CDC123: variants seen among roughly 807,000 people sequenced by gnomAD.
CDC123 encodes cell division cycle 123, also known as translation initiation factor eIF2 assembly protein.
In CDC123, 37 loss-of-function variants were observed where a neutral mutation model predicts 54.4. The ratio of observed to expected loss-of-function variants is 0.68; its 90% CI spans 0.52 to 0.89. The LOEUF (loss-of-function observed/expected upper bound fraction) is 0.89. Among genes scored for constraint, CDC123 ranks in the 40% least tolerant of loss-of-function variants. CDC123 has a pLI of 0.00. For missense variants in CDC123, 361 were observed against 412.1 expected, an observed-to-expected ratio of 0.88 and a Z score of 1.07; for synonymous variants, 144 against 136.8, an observed-to-expected ratio of 1.05 and a Z score of -0.37.
chr10:12,224,046 A>T (rs1042483235), intron 6 of CDC123, among the ~76,000 whole-genome samples: 4 of 151,998 alleles, frequency 2.6e-5, no homozygotes. Flanking sequence ...CCAGAAGTCC[A>T]GTGTATCATT....
intron 2 of CDC123, among the ~76,000 whole-genome samples, chr10:12,202,504 C>T (rs1332596005): frequency 2.0e-5 from 3 of 152,108 alleles, no homozygotes; most frequent in African/African-American, 7.2e-5. Context: ...ATTCAGTTGA[C>T]ACTGTCTACC....
At chr10:12,211,202 A>G (rs955949585) in intron 4 of CDC123, among the ~76,000 whole-genome samples, 1 of 151,770 alleles carries the variant, frequency 6.6e-6, no homozygotes, top group African/African-American at 2.4e-5. Context: ...GAAGCAAATG[A>G]TCTATTTCTA....
chr10:12,228,638 T>C (rs1237271245), intron 6 of CDC123, among the ~76,000 whole-genome samples: 2 of 152,186 alleles, frequency 1.3e-5, no homozygotes, highest in African/African-American at 4.8e-5. Context: ...CGGCGCGATC[T>C]TGGCTTACCA....
intron 8 of CDC123, 146 bp downstream of exon 8, chr10:12,235,269 G>A: frequency 1.5e-6 from 1 of 659,978 alleles, no homozygotes; most frequent in Non-Finnish European, 2.7e-6. Context: ...AGTTGATACT[G>A]ACTCTCTGGA....
intron 6 of CDC123, among the ~76,000 whole-genome samples, chr10:12,227,297 G>A (rs949346185): frequency 4.7e-5 from 7 of 150,178 alleles, no homozygotes; most frequent in Non-Finnish European, 1.0e-4. Context: ...GAGGGGGAGG[G>A]GGAGGGGAGG....
At position 12,217,365 on chromosome 10, in the gene CDC123, C is replaced by A. The variant is rs752168458; in HGVS notation, c.338C>A (p.Ala113Glu). The A allele has an allele frequency of 1.9e-6, 3 of 1,610,020 alleles. No individual in the cohort carries two copies. Among genetic ancestry groups the A allele is most frequent in the Non-Finnish European group, 2.5e-6 (3 of 1,177,706 alleles). Residue 113 changes from alanine to glutamate, a missense_variant, in exon 6 of 13, where the codon GCG becomes GAG. Physicochemically the swap from Ala to Glu is moderately radical, Grantham distance 107. Transcript: ENST00000281141. ...PKLNWSAPRDAYWIAMNSSLK... is the reference protein window; with the variant it reads ...PKLNWSAPRDEYWIAMNSSLK... ...AGCATGTGCTTCATTCTTTAGGATG[C>A]GTATTGGATAGCAATGAATAGTTCT...
At chr10:12,207,834 T>A (rs1835542191) in intron 2 of CDC123, among the ~76,000 whole-genome samples, 1 of 152,184 alleles carries the variant, frequency 6.6e-6, no homozygotes, top group Non-Finnish European at 1.5e-5. Context: ...TCAACCCTCT[T>A]GAGTTCATTT....
At chr10:12,221,347 C>T (rs921918327) in intron 6 of CDC123, among the ~76,000 whole-genome samples, 11 of 152,114 alleles carry the variant, frequency 7.2e-5, no homozygotes, top group African/African-American at 2.7e-4. Context: ...GGGTTTCTCA[C>T]CTAATGGTTA....
chr10:12,217,574 T>C, intron 6 of CDC123, 107 bp downstream of exon 6: 1 of 1,106,434 alleles, frequency 9.0e-7, no homozygotes, highest in Non-Finnish European at 1.2e-6. Context: ...TAGCTCCATA[T>C]AACAAAGCTA....
intron 8 of CDC123, among the ~76,000 whole-genome samples, chr10:12,236,484 G>A (rs1180711608): frequency 2.0e-5 from 3 of 151,864 alleles, no homozygotes; most frequent in African/African-American, 7.3e-5. Flanking sequence ...CTGTAGTCCC[G>A]GCTACTCGGG....
chr10:12,214,702 C>T (rs1017596635), intron 4 of CDC123, among the ~76,000 whole-genome samples: 2 of 152,114 alleles, frequency 1.3e-5, no homozygotes, highest in African/African-American at 4.8e-5. Context: ...ACAGTTTTTT[C>T]TCTCGCATAG....
chr10:12,210,989 A>C (rs113929657), intron 4 of CDC123, among the ~76,000 whole-genome samples: 3,633 of 152,288 alleles, frequency 0.024, 144 homozygotes, highest in African/African-American at 0.083. Flanking sequence ...GTTCTGAGCC[A>C]CAGCACCTGG....
intron 4 of CDC123, among the ~76,000 whole-genome samples, chr10:12,215,139 T>C (rs1027826028): frequency 2.0e-5 from 3 of 152,216 alleles, no homozygotes; most frequent in Admixed American, 1.3e-4. Context: ...ATATAAAATA[T>C]GCATTTTAAA....
chr10:12,212,913 A>T (rs1835621547), intron 4 of CDC123, among the ~76,000 whole-genome samples: 1 of 152,240 alleles, frequency 6.6e-6, no homozygotes, highest in South Asian at 2.1e-4. Context: ...GGGATACTCT[A>T]TGTGAAGTAT....
chr10:12,236,816 G>C (rs1000673741), intron 8 of CDC123, among the ~76,000 whole-genome samples: 1 of 151,312 alleles, frequency 6.6e-6, no homozygotes, highest in Non-Finnish European at 1.5e-5. Flanking sequence ...ATCGCTTCTC[G>C]GGCAGCAGAG....
chr10:12,239,709 T>TA (rs1564258253), intron 10 of CDC123, among the ~76,000 whole-genome samples: 4 of 22,360 alleles, frequency 1.8e-4, no homozygotes, highest in African/African-American at 6.4e-4. Flanking sequence ...ACTCTGTTTT[T>TA]TAAAAAAAAA....
chr10:12,209,973 T>A lies in CDC123; in HGVS notation c.153T>A (p.Asp51Glu). 6.2e-7 allele frequency: 1 copy of A among 1,614,142 alleles called. No individual in the cohort carries two copies. The highest frequency in any genetic ancestry group is 1.3e-5 in the African/African-American group (1 of 75,050). ...DGTLVVSGRD[D>E]PPTHSQPDSD... ...TTTGTTTGTGTTTTTTTAGGGATGA[T>A]CCACCAACACATTCTCAGCCAGACA... Residue 51 changes from aspartate to glutamate, a missense_variant, in exon 3 of 13, where the codon GAT becomes GAA. By Grantham distance (45) the Asp-to-Glu change is conservative. Transcript: ENST00000281141.
intron 6 of CDC123, 97 bp from the exon 7 acceptor site, chr10:12,230,851 G>A (rs887994644): frequency 3.4e-6 from 4 of 1,162,564 alleles, no homozygotes; most frequent in Admixed American, 2.3e-5. Context: ...GATGCTTTTA[G>A]TAAAACGTTA....
intron 1 of CDC123, among the ~76,000 whole-genome samples, chr10:12,196,601 C>T (rs764927137): frequency 1.7e-4 from 26 of 152,138 alleles, no homozygotes; most frequent in Non-Finnish European, 3.1e-4. Context: ...TTTAGAATGG[C>T]CCCAGGCGCA....
Sources: gnomAD v4.1 joint callset for allele counts (sites outside exome capture counted in the v4.1 genomes callset) on GRCh38, gnomAD v4.1.1 for gene constraint, MANE v1.5 for transcripts, NCBI Gene and HGNC (gene_info 2026-07-23, HGNC 2026-07-21) for gene names.